The following SH3TC1 variants were observed in gnomAD, a reference collection of about 807,000 sequenced individuals.
SH3TC1 encodes the protein SH3 domain and tetratricopeptide repeat-containing protein 1.
SH3TC1 carries 135 observed loss-of-function variants against 117.3 expected under a neutral mutation model. The ratio of observed to expected loss-of-function variants is 1.15; its 90% confidence interval spans 1.00 to 1.33. The LOEUF (loss-of-function observed/expected upper bound fraction) is 1.33, where lower values mean the gene tolerates loss of function less well. Among genes scored for constraint, SH3TC1 ranks in the 40% most tolerant of loss-of-function variants. The pLI is 0.00. For missense variants in SH3TC1, 2,092 were observed against 1,794.3 expected (o/e 1.17, Z -3.00); for synonymous variants, 898 against 816.9 (o/e 1.10, Z -1.69).
chr4:8,199,249 C>T (rs1490191010), upstream of SH3TC1: 1 of 152,324 alleles, frequency 6.6e-6, no homozygotes, highest in African/African-American at 2.4e-5. Context: ...GCGGAGGCCG[C>T]TGTGCAGTCA....
intron 14 of SH3TC1, among the ~76,000 whole-genome samples, chr4:8,234,162 TTCCATCATCCATCCA>T (rs950485822): frequency 5.8e-5 from 4 of 69,014 alleles, no homozygotes; most frequent in South Asian, 4.0e-4. Context: ...CCATCCATCC[TTCCATCATCCATCCA>T]TCCATCATCC....
rs1720766050 is a variant in SH3TC1, at chr4:8,228,365, CG to C, written c.2674del (p.Val892TrpfsTer252). The stretch of plus-strand genomic sequence containing the variant: ...AGCTGAGAGCTACTACCGCGCCCTG[CG>C]GGTGGCTCGGGACCTGGGCCAGCAA... ...QAAESYYRAL[R>X]VARDLGQQRN... is the part of the protein sequence containing the mutation. On this transcript the variant is annotated frameshift_variant, in exon 12 of 18. Coordinates refer to ENST00000245105, the MANE Select transcript of SH3TC1 (RefSeq NM_018986.5). LOFTEE classifies it high-confidence loss of function. 6.2e-7 allele frequency: 1 copy of C among 1,611,266 alleles called. No homozygotes were observed. The highest frequency in any genetic ancestry group is 8.5e-7 in the Non-Finnish European group (1 of 1,179,530).
Position 8,209,889 on chromosome 4 carries a change from C to A in SH3TC1, c.247+67C>A. ...CGGGCTGTGCCGCTCCCTGGGCATC[C>A]AAGAGTCCAACCCAGGGCTTCTCAA... On this transcript the variant is annotated intron_variant, in intron 3 of 17. Coordinates refer to ENST00000245105, the MANE Select transcript of SH3TC1 (RefSeq NM_018986.5). The surrounding 1 kb of genome is among the most constrained non-coding windows in gnomAD (Gnocchi z 5.9). 6.6e-7 allele frequency: 1 copy of A among 1,508,640 alleles called. No individual in the cohort carries two copies. The highest frequency in any genetic ancestry group is 9.1e-7 in the Non-Finnish European group (1 of 1,100,852). The allele number at this position is 1,508,640 out of a possible 1,614,324, so 93.5% of individuals were successfully genotyped here. A position where few individuals can be genotyped will look rare whatever the true frequency, so the allele number is the denominator to read the frequency against.
Position 8,210,449 on chromosome 4 carries a change from G to A in SH3TC1, c.247+627G>A, listed in dbSNP as rs28678308. ...GGTGGCCACTCGGGATGACCAGGAC[G>A]CATTAGGCAATAGGACCGTTATTTA... On this transcript the variant is annotated intron_variant, in intron 3 of 17. Coordinates refer to ENST00000245105, the MANE Select transcript of SH3TC1 (RefSeq NM_018986.5). This position sits in a 1 kb window ranked among gnomAD's most constrained non-coding sequence, Gnocchi z 4.1. Among the ~76,000 whole-genome samples the A allele has an allele frequency of 8.9e-3, 1,355 of 152,328 alleles. 19 individuals carry two copies. Among genetic ancestry groups the A allele is most frequent in the African/African-American group, 0.031 (1,301 of 41,574 alleles).
Position 8,232,119 on chromosome 4 carries a change from AC to A in SH3TC1, c.3096del (p.Ile1033SerfsTer111), listed in dbSNP as rs759469247. The A allele has an allele frequency of 2.8e-6, 4 of 1,447,034 alleles. No individual in the cohort carries two copies. Among genetic ancestry groups the A allele is most frequent in the South Asian group, 2.2e-5 (2 of 89,040 alleles). 89.6% of individuals were successfully genotyped at this position (1,447,034 alleles called of 1,614,324 possible). ...DKVLEGQLLE[T>X]ISQLYLSLGT... ...GGTGCTGGAGGGGCAGCTCCTGGAGACCATCAGCCAGCTCTACCTGTCCCTG... is the reference window on the plus strand; with the variant it reads ...GGTGCTGGAGGGGCAGCTCCTGGAGACATCAGCCAGCTCTACCTGTCCCTG... On this transcript the variant is annotated frameshift_variant, in exon 13 of 18. Transcript: ENST00000245105. LOFTEE classifies it high-confidence loss of function.
intron 3 of SH3TC1, among the ~76,000 whole-genome samples, chr4:8,211,768 AG>A (rs1340803107): frequency 2.0e-5 from 3 of 151,966 alleles, no homozygotes; most frequent in Non-Finnish European, 2.9e-5. Flanking sequence ...GACATTGAGG[AG>A]GGGGCTGGAT....
At chr4:8,187,767 C>G (rs10033208) in intron 1 of SH3TC1, among the ~76,000 whole-genome samples, 4,696 of 152,122 alleles carry the variant, frequency 0.031, 251 homozygotes, top group African/African-American at 0.11. Flanking sequence ...GGCCAGGCTG[C>G]TCTTGAACTC....
Position 8,227,514 on chromosome 4 carries a change from T to C in SH3TC1, c.1820T>C (p.Leu607Pro). 2 of 1,546,224 alleles carry C rather than the reference T, an allele frequency of 1.3e-6. No homozygotes were observed. The highest frequency in any genetic ancestry group is 1.7e-6 in the Non-Finnish European group (2 of 1,151,734). Reference protein sequence around the residue: ...LFLVVAVYANLASIYRKQKNR... With the variant: ...LFLVVAVYANPASIYRKQKNR... ...CTAGTGGTGGCTGTGTACGCCAACCTGGCCAGCATTTACCGGAAGCAGAAG... is the reference window on the plus strand; with the variant it reads ...CTAGTGGTGGCTGTGTACGCCAACCCGGCCAGCATTTACCGGAAGCAGAAG... Residue 607 changes from leucine (L) to proline (P), a missense_variant, in exon 12 of 18, where the codon CTG becomes CCG. Transcript: ENST00000245105.
chr4:8,223,223 C>T (rs1224558513), intron 10 of SH3TC1, among the ~76,000 whole-genome samples: 4 of 152,278 alleles, frequency 2.6e-5, no homozygotes, highest in Non-Finnish European at 4.4e-5. Flanking sequence ...CCTTCCTGCC[C>T]TGACCCCAGG....
intron 12 of SH3TC1, chr4:8,231,334 G>A (rs985943035): frequency 6.5e-6 from 1 of 152,914 alleles, no homozygotes; most frequent in African/African-American, 2.4e-5. Flanking sequence ...AATGTCCCAT[G>A]GGCGCTTGAG....
chr4:8,222,670 G>A (rs576217473), intron 9 of SH3TC1, among the ~76,000 whole-genome samples, 170 bp from the exon 10 acceptor site: 31 of 66,348 alleles, frequency 4.7e-4, no homozygotes, highest in South Asian at 1.7e-3. Flanking sequence ...CACCATGCCT[G>A]GACTTTTTGT....
At chr4:8,238,380 G>A (rs548235650) in intron 17 of SH3TC1, among the ~76,000 whole-genome samples, 2 of 152,326 alleles carry the variant, frequency 1.3e-5, no homozygotes, top group African/African-American at 4.8e-5. Flanking sequence ...GTGGAGAACT[G>A]GGACCGGCAG....
At chr4:8,230,047 T>A (rs912860033) in intron 12 of SH3TC1, among the ~76,000 whole-genome samples, 1 of 151,542 alleles carries the variant, frequency 6.6e-6, no homozygotes, top group Non-Finnish European at 1.5e-5. Context: ...TGCTTCCCTG[T>A]CTCCCCACCC....
chr4:8,230,622 G>A (rs55893050), intron 12 of SH3TC1, among the ~76,000 whole-genome samples: 42,060 of 151,736 alleles, frequency 0.28, 6,879 homozygotes, highest in Non-Finnish European at 0.36. Flanking sequence ...CCTTTTACTC[G>A]CTTTGGGTTT....
chr4:8,205,219 A>T lies in SH3TC1; in HGVS notation c.25A>T (p.Thr9Ser). 1 of 1,545,892 alleles carries T rather than the reference A, an allele frequency of 6.5e-7. No individual in the cohort carries two copies. The highest frequency in any genetic ancestry group is 1.4e-5 in the African/African-American group (1 of 72,912). Reference protein sequence around the residue: MENLPAVTTEEPTPMGRGP... With the variant: MENLPAVTSEEPTPMGRGP... ...CATGGAGAACCTCCCTGCCGTGACC[A>T]CTGAGGAGCCGACCCCCATGGGGAG... The change falls in exon 2 of 18, where the codon ACT becomes TCT. Residue 9 changes from threonine to serine, a missense_variant. Physicochemically the swap from Thr to Ser is moderately conservative, Grantham distance 58 (BLOSUM62 1). Coordinates refer to ENST00000245105, the MANE Select transcript of SH3TC1 (RefSeq NM_018986.5). This position sits in a 1 kb window ranked among gnomAD's most constrained non-coding sequence, Gnocchi z 5.4.
upstream of SH3TC1, among the ~76,000 whole-genome samples, chr4:8,194,865 T>C (rs16841879): frequency 0.038 from 5,767 of 152,218 alleles, 208 homozygotes; most frequent in East Asian, 0.19. Flanking sequence ...TTTCCGGCAA[T>C]TGAGGGCACC....
chr4:8,239,619 C>A (rs569854024), intron 17 of SH3TC1, among the ~76,000 whole-genome samples: 4 of 151,916 alleles, frequency 2.6e-5, no homozygotes, highest in Admixed American at 2.0e-4. Context: ...CAGGCATACA[C>A]GGACACAGGC....
chr4:8,228,226 C>T lies in SH3TC1; in HGVS notation c.2532C>T (p.Ala844=), dbSNP rs1406168278. 5 of 1,609,248 alleles carry T rather than the reference C, an allele frequency of 3.1e-6. No homozygotes were observed. The highest frequency in any genetic ancestry group is 3.3e-5 in the Admixed American group (2 of 59,818). Residue 844 remains alanine (A), a synonymous_variant, in exon 12 of 18, where the codon GCC becomes GCT. Transcript: ENST00000245105. ...TGCTTCATGGGCAGAGCCCGGTGGC[C>T]CTGGACATCCTGCAGTCTGTCCGGG... The part of the protein sequence containing the change: ...LHVLHGQSPV[A]LDILQSVRDA...
At chr4:8,226,794 G>C (rs1266390208) in intron 11 of SH3TC1, among the ~76,000 whole-genome samples, 186 bp from the exon 12 acceptor site, 2 of 152,210 alleles carry the variant, frequency 1.3e-5, no homozygotes, top group African/African-American at 4.8e-5. Context: ...GAGTTCCTAT[G>C]TGCTCCAGGC....
Sources: allele counts gnomAD v4.1 joint callset (sites outside exome capture counted in the v4.1 genomes callset), GRCh38; gene constraint gnomAD v4.1.1; non-coding constraint Gnocchi (gnomAD v3.1); transcripts MANE v1.5; gene names NCBI Gene and HGNC (gene_info 2026-07-23, HGNC 2026-07-21).